Variants in CADM1 observed in about 807,000 individuals in gnomAD.
CADM1 encodes the protein cell adhesion molecule 1.
In CADM1, 15 loss-of-function variants were observed where a neutral mutation model predicts 53.1. That is an observed-to-expected ratio of 0.28 (90% confidence interval 0.19 to 0.44). CADM1 has a LOEUF of 0.44. CADM1 is among the 20% of genes least tolerant of loss of function. CADM1 has a pLI of 1.00. For synonymous variants in CADM1, 281 were observed against 243.0 expected (o/e 1.16, Z -1.45); for missense variants, 434 against 611.3 (o/e 0.71, Z 3.06).
chr11:115,421,522 C>T (rs1417569229), intron 1 of CADM1, among the ~76,000 whole-genome samples: 4 of 152,346 alleles, frequency 2.6e-5, no homozygotes, highest in Non-Finnish European at 2.9e-5. Context: ...AAAGCAGACG[C>T]GCTCACCAGC....
intron 1 of CADM1, among the ~76,000 whole-genome samples, chr11:115,455,943 G>C (rs1948674884): frequency 6.6e-6 from 1 of 152,178 alleles, no homozygotes; most frequent in African/African-American, 2.4e-5. Flanking sequence ...CTGAGAAGTG[G>C]AGCCTTTCAT....
At chr11:115,311,290 G>A (rs997285660) in intron 1 of CADM1, among the ~76,000 whole-genome samples, 3 of 152,018 alleles carry the variant, frequency 2.0e-5, no homozygotes, top group Non-Finnish European at 2.9e-5. Context: ...AATCTACAAC[G>A]ATCCTCATGA....
intron 7 of CADM1, among the ~76,000 whole-genome samples, chr11:115,210,621 C>T (rs533132452): frequency 8.5e-5 from 13 of 152,262 alleles, no homozygotes; most frequent in African/African-American, 2.6e-4. Context: ...GAGCATAAGA[C>T]GATTTGAAAG....
intron 1 of CADM1, among the ~76,000 whole-genome samples, chr11:115,255,986 T>C (rs1260267121): frequency 2.6e-5 from 4 of 152,236 alleles, no homozygotes; most frequent in Non-Finnish European, 4.4e-5. Context: ...TAGTGGGGTC[T>C]GTCAGTTCAC....
chr11:115,299,363 C>G (rs940727870), intron 1 of CADM1, among the ~76,000 whole-genome samples: 58 of 152,082 alleles, frequency 3.8e-4, no homozygotes, highest in African/African-American at 1.2e-3. Flanking sequence ...CCCTGCCCCA[C>G]AGGGAGAACA....
chr11:115,432,428 G>C (rs1407483609), intron 1 of CADM1, among the ~76,000 whole-genome samples: 2 of 152,140 alleles, frequency 1.3e-5, no homozygotes, highest in African/African-American at 4.8e-5. Context: ...AATTATCCAT[G>C]TGGGATCAGC....
Position 115,411,230 on chromosome 11 carries a change from C to T in CADM1, c.124+93041G>A, listed in dbSNP as rs1947452934. 2.0e-5 allele frequency among the ~76,000 whole-genome samples: 3 copies of T among 152,264 alleles called. No homozygotes were observed. The South Asian group carries it at 6.2e-4, about 32-fold the overall frequency. ...TGTAATGAAAAATATAACGACTACA[C>T]TAACAAGATAGGGAGATGAATGCAT... On this transcript the variant is annotated intron_variant, in intron 1 of 11. Transcript: ENST00000331581.
intron 1 of CADM1, among the ~76,000 whole-genome samples, chr11:115,489,905 A>G (rs1416455684): frequency 1.3e-5 from 2 of 152,174 alleles, no homozygotes; most frequent in East Asian, 3.9e-4. Flanking sequence ...AGGAGGTAGC[A>G]TATAAAAAGC....
At chr11:115,422,716 A>G (rs1182799636) in intron 1 of CADM1, among the ~76,000 whole-genome samples, 1 of 152,178 alleles carries the variant, frequency 6.6e-6, no homozygotes, top group African/African-American at 2.4e-5. Flanking sequence ...CTTTGAAAAC[A>G]TAAGAGAAAA....
At chr11:115,218,118 C>T in intron 5 of CADM1, 127 bp from the exon 6 acceptor site, 5 of 702,800 alleles carry the variant, frequency 7.1e-6, no homozygotes, top group South Asian at 4.5e-5. Flanking sequence ...TTCAGTAACA[C>T]CCTTCTAATT....
intron 1 of CADM1, among the ~76,000 whole-genome samples, chr11:115,302,131 A>G (rs1328667778): frequency 6.6e-6 from 1 of 151,932 alleles, no homozygotes; most frequent in African/African-American, 2.4e-5. Context: ...GAGGGGAACC[A>G]CACACACCGG....
intron 1 of CADM1, among the ~76,000 whole-genome samples, chr11:115,330,571 C>T (rs370267661): frequency 2.6e-4 from 40 of 152,254 alleles, no homozygotes; most frequent in Middle Eastern, 3.4e-3. Flanking sequence ...TGATGCGTGT[C>T]TTCAGTACCC....
At chr11:115,293,443 A>G (rs1353060603) in intron 1 of CADM1, among the ~76,000 whole-genome samples, 1 of 152,182 alleles carries the variant, frequency 6.6e-6, no homozygotes, top group East Asian at 1.9e-4. Flanking sequence ...AAAAAGAAAA[A>G]AAAAAGATCC....
intron 1 of CADM1, among the ~76,000 whole-genome samples, chr11:115,477,405 T>C (rs1217032466): frequency 6.6e-6 from 1 of 152,202 alleles, no homozygotes; most frequent in Non-Finnish European, 1.5e-5. Context: ...AGAAGAGGAA[T>C]TGCCTATCCA....
At chr11:115,445,466 A>ATAG (rs537426302) in intron 1 of CADM1, among the ~76,000 whole-genome samples, 69 of 152,248 alleles carry the variant, frequency 4.5e-4, no homozygotes, top group African/African-American at 1.5e-3. Flanking sequence ...ATCCATAATA[A>ATAG]TGTTATACTA....
intron 1 of CADM1, among the ~76,000 whole-genome samples, chr11:115,348,344 T>C (rs1223767266): frequency 6.6e-6 from 1 of 152,234 alleles, no homozygotes; most frequent in Non-Finnish European, 1.5e-5. Flanking sequence ...AATAGTAATT[T>C]CTTCCTGCAG....
intron 1 of CADM1, among the ~76,000 whole-genome samples, chr11:115,276,167 G>A (rs890681360): frequency 4.6e-5 from 7 of 152,210 alleles, no homozygotes; most frequent in African/African-American, 9.6e-5. Context: ...TATTAATTTC[G>A]CATCTCTACA....
intron 8 of CADM1, among the ~76,000 whole-genome samples, chr11:115,206,053 G>A (rs1175102693): frequency 1.3e-5 from 2 of 152,108 alleles, no homozygotes; most frequent in African/African-American, 4.8e-5. Context: ...AACATGCACA[G>A]GACACTTACA....
chr11:115,194,526 T>C (rs1940055197), intron 9 of CADM1, among the ~76,000 whole-genome samples: 1 of 152,158 alleles, frequency 6.6e-6, no homozygotes, highest in Non-Finnish European at 1.5e-5. Flanking sequence ...TTACCACAAT[T>C]GCATACTGAA....
Sources: gnomAD v4.1 joint callset for allele counts (sites outside exome capture counted in the v4.1 genomes callset) on GRCh38, gnomAD v4.1.1 for gene constraint, MANE v1.5 for transcripts, NCBI Gene and HGNC (gene_info 2026-07-23, HGNC 2026-07-21) for gene names.